ARHGAP15: variants seen among roughly 807,000 people sequenced by gnomAD.
ARHGAP15 encodes the protein rho GTPase-activating protein 15.
A neutral mutation model predicts 63.7 loss-of-function variants in ARHGAP15; 51 were observed. The observed-to-expected ratio is 0.80, with a 90% CI of 0.64 to 1.01. The LOEUF is 1.01. Ranked by LOEUF, ARHGAP15 falls within the 50% of genes least tolerant of loss-of-function variation. The probability of loss-of-function intolerance (pLI) is 0.00; values close to 1 mark genes in which losing one functional copy is unlikely to be tolerated. For synonymous variants in ARHGAP15, 191 were observed against 193.8 expected (o/e 0.99, Z 0.12); for missense variants, 560 against 564.6 (o/e 0.99, Z 0.08).
chr2:143,406,391 A>G (rs1289341671), intron 6 of ARHGAP15, among the ~76,000 whole-genome samples: 2 of 151,896 alleles, frequency 1.3e-5, no homozygotes, highest in East Asian at 1.9e-4. Flanking sequence ...GTAGGACATC[A>G]TAGTTAAGAG....
At chr2:143,437,828 A>G (rs888480061) in intron 8 of ARHGAP15, among the ~76,000 whole-genome samples, 1 of 152,156 alleles carries the variant, frequency 6.6e-6, no homozygotes, top group African/African-American at 2.4e-5. Flanking sequence ...GCTCGAGATC[A>G]TCCTGGTCAA....
At chr2:143,153,873 T>TCTTCCTCCTCCTCCTCC (rs1689967986) in intron 1 of ARHGAP15, among the ~76,000 whole-genome samples, 1 of 46,850 alleles carries the variant, frequency 2.1e-5, no homozygotes, top group Non-Finnish European at 4.8e-5. Context: ...CCTCCTCCTC[T>TCTTCCTCCTCCTCCTCC]TCCTCCTCCT....
chr2:143,661,973 G>A (rs1401272912), intron 12 of ARHGAP15, among the ~76,000 whole-genome samples: 1 of 152,222 alleles, frequency 6.6e-6, no homozygotes, highest in African/African-American at 2.4e-5. Flanking sequence ...CAAACTGCAA[G>A]GCGGCAGCGA....
At chr2:143,163,905 C>T (rs1690397649) in intron 2 of ARHGAP15, among the ~76,000 whole-genome samples, 1 of 152,006 alleles carries the variant, frequency 6.6e-6, no homozygotes, top group Non-Finnish European at 1.5e-5. Flanking sequence ...CACACAATTA[C>T]TTTGCCTTTC....
intron 12 of ARHGAP15, among the ~76,000 whole-genome samples, chr2:143,638,616 C>T (rs1186748360): frequency 5.1e-5 from 7 of 137,810 alleles, no homozygotes; most frequent in African/African-American, 1.6e-4. Flanking sequence ...CTAACCTGCA[C>T]AATGTGCACA....
rs534635604 is a variant in ARHGAP15 at position 143,462,112 on chromosome 2, G to T, written c.703+25070G>T. Among the ~76,000 whole-genome samples the T allele has an allele frequency of 6.6e-5, 10 of 152,120 alleles. No individual in the cohort carries two copies. In the South Asian group the frequency reaches 1.9e-3, roughly 28 times the overall value. ...GAGGCGGAGGTTACAGTGAGTCAAG[G>T]TCATGCCTCTGCACTCCAGCCTGGG... On this transcript the variant is annotated intron_variant, in intron 8 of 13. Transcript: ENST00000295095.
intron 6 of ARHGAP15, among the ~76,000 whole-genome samples, chr2:143,358,253 C>T (rs1685887080): frequency 6.6e-6 from 1 of 152,118 alleles, no homozygotes; most frequent in South Asian, 2.1e-4. Flanking sequence ...GCTTTGGAGG[C>T]AGAAAGGAGG....
At chr2:143,714,872 T>C (rs1290490591) in intron 13 of ARHGAP15, among the ~76,000 whole-genome samples, 7 of 152,198 alleles carry the variant, frequency 4.6e-5, no homozygotes, top group Admixed American at 3.9e-4. Context: ...CTCGAAGCCA[T>C]TCAACAAGTC....
intron 13 of ARHGAP15, among the ~76,000 whole-genome samples, chr2:143,740,848 A>C: frequency 6.6e-6 from 1 of 152,146 alleles, no homozygotes; most frequent in East Asian, 1.9e-4. Context: ...ATGGATTTAC[A>C]CTGCCTTTTG....
intron 1 of ARHGAP15, among the ~76,000 whole-genome samples, chr2:143,135,523 T>G (rs1689100356): frequency 6.6e-6 from 1 of 152,194 alleles, no homozygotes; most frequent in Non-Finnish European, 1.5e-5. Flanking sequence ...AGTATCTAAA[T>G]ATCAATTATA....
intron 12 of ARHGAP15, among the ~76,000 whole-genome samples, chr2:143,642,943 C>A (rs1680678666): frequency 6.6e-6 from 1 of 152,108 alleles, no homozygotes; most frequent in Non-Finnish European, 1.5e-5. Flanking sequence ...ACAGTTAATC[C>A]AGTATTGTGA....
chr2:143,472,909 T>A lies in ARHGAP15; in HGVS notation c.704-14464T>A, dbSNP rs1400423137. 3.3e-5 allele frequency among the ~76,000 whole-genome samples: 5 copies of A among 152,154 alleles called. 1 individual carries two copies. In the East Asian group the frequency reaches 5.8e-4, roughly 18 times the overall value. ...GGTAGACCCAGGACTCAAAATTAGA[T>A]CTCTTAATGCGCAAGCCTGTGTGCT... On this transcript the variant is annotated intron_variant, in intron 8 of 13. Coordinates refer to ENST00000295095, the MANE Select transcript of ARHGAP15 (RefSeq NM_018460.4).
At chr2:143,321,412 G>C (rs947402277) in intron 6 of ARHGAP15, among the ~76,000 whole-genome samples, 2 of 152,206 alleles carry the variant, frequency 1.3e-5, no homozygotes, top group African/African-American at 4.8e-5. Context: ...TGCTCTCATA[G>C]TCGGTTCACA....
In ARHGAP15 at chr2:143,731,940, TG is replaced by T. The variant is rs531471347; in HGVS notation, c.1244+28420del. Among the ~76,000 whole-genome samples, 11 of 152,284 alleles carry T rather than the reference TG, an allele frequency of 7.2e-5. No individual in the cohort carries two copies. The South Asian group carries it at 2.1e-3, about 29-fold the overall frequency. On this transcript the variant is annotated intron_variant, in intron 13 of 13. Transcript: ENST00000295095. Reference sequence around the variant, plus strand: ...TCCTAGATCAACCAACTAAAAGTGATGGGGTCAGTATTTAAAATGCAAGTAT... The same window carrying T: ...TCCTAGATCAACCAACTAAAAGTGATGGGTCAGTATTTAAAATGCAAGTAT...
At chr2:143,745,252 T>C (rs1381592798) in intron 13 of ARHGAP15, among the ~76,000 whole-genome samples, 1 of 152,236 alleles carries the variant, frequency 6.6e-6, no homozygotes, top group Non-Finnish European at 1.5e-5. Context: ...CTGGCATACA[T>C]GCCACCATTC....
At chr2:143,501,905 T>C (rs1238857065) in intron 9 of ARHGAP15, among the ~76,000 whole-genome samples, 2 of 152,184 alleles carry the variant, frequency 1.3e-5, no homozygotes, top group Non-Finnish European at 2.9e-5. Context: ...GTTTCTCTAC[T>C]ACAGCATGAA....
At chr2:143,356,015 C>CA (rs1182836589) in intron 6 of ARHGAP15, among the ~76,000 whole-genome samples, 3 of 151,056 alleles carry the variant, frequency 2.0e-5, no homozygotes, top group Non-Finnish European at 4.4e-5. Flanking sequence ...GACTCACACA[C>CA]AAAAATGGTC....
intron 10 of ARHGAP15, among the ~76,000 whole-genome samples, chr2:143,549,733 C>G (rs755478497): frequency 3.9e-5 from 6 of 152,138 alleles, no homozygotes; most frequent in Non-Finnish European, 8.8e-5. Flanking sequence ...CAGGTCTTCT[C>G]CAACAGAATT....
chr2:143,357,318 A>G (rs1169606843), intron 6 of ARHGAP15, among the ~76,000 whole-genome samples: 1 of 152,074 alleles, frequency 6.6e-6, no homozygotes, highest in Non-Finnish European at 1.5e-5. Flanking sequence ...GCAGAAAGCT[A>G]CTTTCAACTA....
Sources: allele counts gnomAD v4.1 joint callset (sites outside exome capture counted in the v4.1 genomes callset), GRCh38; gene constraint gnomAD v4.1.1; transcripts MANE v1.5; gene names NCBI Gene and HGNC (gene_info 2026-07-23, HGNC 2026-07-21).